The following CAPRIN1 variants were observed in gnomAD, a reference collection of about 807,000 sequenced individuals.
CAPRIN1 encodes the protein caprin-1.
CAPRIN1 carries 29 observed loss-of-function variants against 100.9 expected under a neutral mutation model. That is an observed-to-expected ratio of 0.29 (90% CI 0.21 to 0.39). The LOEUF is 0.39. CAPRIN1 is among the 10% of genes least tolerant of loss of function. The probability of loss-of-function intolerance (pLI) is 1.00; values close to 1 mark genes in which losing one functional copy is unlikely to be tolerated. For synonymous variants in CAPRIN1, 338 were observed against 307.5 expected (o/e 1.10, Z -1.04); for missense variants, 795 against 876.7 (o/e 0.91, Z 1.18).
chr11:34,090,656 C>T lies in CAPRIN1; in HGVS notation c.1532C>T (p.Ala511Val). Residue 511 changes from alanine (A) to valine (V), a missense_variant, in exon 14 of 19, where the codon GCT (alanine) becomes GTT (valine). By Grantham distance (64) the Ala-to-Val change is moderately conservative. Transcript: ENST00000341394. The stretch of plus-strand genomic sequence containing the variant: ...AGCAGTGGAATCAATGTAAATGCAG[C>T]TCCATTCCAATCCATGCAAACGGTA... ...LHSSGINVNAAPFQSMQTVFN... is the reference protein window; with the variant it reads ...LHSSGINVNAVPFQSMQTVFN... 1 of 1,613,978 alleles carries T rather than the reference C, an allele frequency of 6.2e-7. No individual in the cohort carries two copies. Among genetic ancestry groups the T allele is most frequent in the Non-Finnish European group, 8.5e-7 (1 of 1,179,850 alleles).
chr11:34,057,690 T>A (rs1850480844), intron 2 of CAPRIN1, among the ~76,000 whole-genome samples: 1 of 152,194 alleles, frequency 6.6e-6, no homozygotes, highest in African/African-American at 2.4e-5. Context: ...AATCTTACAC[T>A]GTTATAAAAT....
chr11:34,057,120 A>C (rs919546408), intron 2 of CAPRIN1, among the ~76,000 whole-genome samples: 4 of 152,252 alleles, frequency 2.6e-5, no homozygotes, highest in African/African-American at 9.6e-5. Context: ...TTTATAAGTA[A>C]AATCTTTCCT....
intron 2 of CAPRIN1, among the ~76,000 whole-genome samples, chr11:34,067,906 GC>G (rs1565086383): frequency 1.3e-5 from 2 of 152,086 alleles, no homozygotes; most frequent in Non-Finnish European, 2.9e-5. Context: ...TCACATACTG[GC>G]TGTTTCCCTT....
chr11:34,071,636 C>A, intron 2 of CAPRIN1, 90 bp from the exon 3 acceptor site: 1 of 874,478 alleles, frequency 1.1e-6, no homozygotes, highest in Non-Finnish European at 1.8e-6. Context: ...TTGAGACAAA[C>A]TTAGAGGATT....
intron 15 of CAPRIN1, among the ~76,000 whole-genome samples, chr11:34,093,966 T>C (rs536683861): frequency 2.8e-4 from 1 of 3,600 alleles, no homozygotes; most frequent in Non-Finnish European, 1.6e-3. Context: ...CTTTTTCTAT[T>C]TTTTTAAAAA....
At chr11:34,094,951 C>T (rs984208440) in intron 15 of CAPRIN1, among the ~76,000 whole-genome samples, 5 of 152,008 alleles carry the variant, frequency 3.3e-5, no homozygotes, top group Non-Finnish European at 2.9e-5. Flanking sequence ...GGTACGATCT[C>T]GGCTCACTAC....
intron 7 of CAPRIN1, among the ~76,000 whole-genome samples, chr11:34,081,440 C>T (rs973522405): frequency 2.0e-5 from 3 of 151,974 alleles, no homozygotes; most frequent in Non-Finnish European, 4.4e-5. Context: ...CTCAGGTTAT[C>T]CACCCGCCTT....
rs1482003919 is a variant in CAPRIN1 at position 34,099,472 on chromosome 11, T to C, written c.*105T>C. On this transcript the variant is annotated 3_prime_UTR_variant, in exon 19 of 19. Coordinates refer to ENST00000341394, the MANE Select transcript of CAPRIN1 (RefSeq NM_005898.5). The stretch of plus-strand genomic sequence containing the variant: ...CTATTTGTTCTCCCTTTCAGGAAAC[T>C]TATTGTAAAGGGACTGTTTTCATCC... 3.1e-6 allele frequency: 3 copies of C among 976,362 alleles called. No individual in the cohort carries two copies. The highest frequency in any genetic ancestry group is 4.8e-6 in the Non-Finnish European group (3 of 621,490). 60.5% of individuals were successfully genotyped at this position (976,362 alleles called of 1,614,324 possible). A position where few individuals can be genotyped will look rare whatever the true frequency, so the allele number is the denominator to read the frequency against.
At position 34,099,166 on chromosome 11, in the gene CAPRIN1, A is replaced by G. The variant is rs1362834932; in HGVS notation, c.2066-137A>G. The G allele has an allele frequency of 3.4e-6, 5 of 1,475,812 alleles. No individual in the cohort carries two copies. The Admixed American group carries it at 1.2e-4, about 36-fold the overall frequency. 91.4% of individuals were successfully genotyped at this position (1,475,812 alleles called of 1,614,324 possible). ...CTTCCAGGACAGGGGAAACTTGAAC[A>G]CTGAAGAATTGACCTCTTAAGCCTA... On this transcript the variant is annotated intron_variant, in intron 18 of 18. Transcript: ENST00000341394.
At chr11:34,066,012 T>G (rs115894947) in intron 2 of CAPRIN1, among the ~76,000 whole-genome samples, 2,596 of 152,320 alleles carry the variant, frequency 0.017, 52 homozygotes, top group African/African-American at 0.059. Context: ...ATCTCACTCT[T>G]GGTCAGGCTG....
chr11:34,052,934 G>A (rs1850359410), intron 2 of CAPRIN1: 2 of 1,245,442 alleles, frequency 1.6e-6, no homozygotes, highest in Non-Finnish European at 2.0e-6. Context: ...GACATGTGAG[G>A]GTGGGGGCCT....
chr11:34,069,604 A>G (rs1850770438), intron 2 of CAPRIN1, among the ~76,000 whole-genome samples: 1 of 152,094 alleles, frequency 6.6e-6, no homozygotes. Context: ...TTGTGAGGTA[A>G]TTGGACACAT....
chr11:34,076,555 A>C lies in CAPRIN1; in HGVS notation c.606-5A>C. 1 of 1,612,966 alleles carries C rather than the reference A, an allele frequency of 6.2e-7. No individual in the cohort carries two copies. Among genetic ancestry groups the C allele is most frequent in the Non-Finnish European group, 8.5e-7 (1 of 1,179,000 alleles). On this transcript the variant is annotated splice_polypyrimidine_tract_variant and splice_region_variant and intron_variant, in intron 5 of 18. Coordinates refer to ENST00000341394, the MANE Select transcript of CAPRIN1 (RefSeq NM_005898.5). ...GGTTATTAATTAGCTATTTACTATT[A>C]AAAGGTTGAATGAACAGTATGAACA...
chr11:34,079,765 G>A lies in CAPRIN1; in HGVS notation c.826G>A (p.Glu276Lys). 6.2e-7 allele frequency: 1 copy of A among 1,613,748 alleles called. No homozygotes were observed. Among genetic ancestry groups the A allele is most frequent in the Non-Finnish European group, 8.5e-7 (1 of 1,179,878 alleles). Residue 276 changes from glutamate (E) to lysine (K), a missense_variant and splice_region_variant, in exon 7 of 19, where the codon GAA becomes AAA. By Grantham distance (56) the Glu-to-Lys change is moderately conservative. Coordinates refer to ENST00000341394, the MANE Select transcript of CAPRIN1 (RefSeq NM_005898.5). ...PAVEDQVPEAEPEPAEEYTEQ... is the reference protein window; with the variant it reads ...PAVEDQVPEAKPEPAEEYTEQ... ...AGTTGAAGACCAGGTACCTGAAGCT[G>A]GTGAGTATTAGGTGGATATCAACTT...
Position 34,052,429 on chromosome 11 carries a change from G to A in CAPRIN1, c.9G>A (p.Ser3=), listed in dbSNP as rs777143535. 1 of 1,607,096 alleles carries A rather than the reference G, an allele frequency of 6.2e-7. No individual in the cohort carries two copies. Among genetic ancestry groups the A allele is most frequent in the Non-Finnish European group, 8.5e-7 (1 of 1,178,714 alleles). Residue 3 remains serine (S), a synonymous_variant, in exon 2 of 19, where the codon TCG becomes TCA. Transcript: ENST00000341394. The stretch of plus-strand genomic sequence containing the variant: ...CTCCTTGCGGTCTGAAGATGCCCTC[G>A]GCCACCAGCCACAGCGGGAGCGGCA... MP[S]ATSHSGSGSK...
intron 4 of CAPRIN1, among the ~76,000 whole-genome samples, chr11:34,073,512 G>A (rs1459829686): frequency 6.6e-6 from 1 of 152,126 alleles, no homozygotes; most frequent in African/African-American, 2.4e-5. Flanking sequence ...CTGGAGTGCA[G>A]TGCCGCTGTC....
intron 2 of CAPRIN1, chr11:34,055,776 G>A (rs1850436897): frequency 1.3e-5 from 2 of 152,134 alleles, no homozygotes; most frequent in African/African-American, 4.8e-5. Flanking sequence ...TGTTTTAAGT[G>A]GTAGATAGCA....
rs370097475 is a variant in CAPRIN1 at position 34,090,190 on chromosome 11, A to G, written c.1305A>G (p.Val435=). 63 of 1,608,798 alleles carry G rather than the reference A, an allele frequency of 3.9e-5. No homozygotes were observed. In the South Asian group the frequency reaches 6.2e-4, roughly 16 times the overall value. ...VQPEATQVPL[V]SSTSEGYTAS... ...TTACTTATGTCTAGGTTCCTTTGGT[A>G]TCATCCACAAGTGAGGGGTACACAG... Residue 435 remains valine (V), a synonymous_variant, in exon 13 of 19, where the codon GTA becomes GTG. Coordinates refer to ENST00000341394, the MANE Select transcript of CAPRIN1 (RefSeq NM_005898.5).
chr11:34,052,580 A>G lies in CAPRIN1; in HGVS notation c.160A>G (p.Met54Val), dbSNP rs535648561. Residue 54 changes from methionine to valine, a missense_variant, in exon 2 of 19, where the codon ATG (methionine) becomes GTG (valine). Physicochemically the swap from Met to Val is conservative, Grantham distance 21. This residue lies in a region of CAPRIN1 where 109 missense variants were observed against 86.6 expected (regional missense o/e 1.26). Transcript: ENST00000341394. ...CACCGGCGCTGTCCAGACCGAGGCC[A>G]TGAAGCAGATTCTCGGGGTGATCGA... is the stretch of plus-strand genomic sequence containing the variant. ...TGTGAVQTEAMKQILGVIDKK... is the reference protein window; with the variant it reads ...TGTGAVQTEAVKQILGVIDKK... 5.0e-5 allele frequency: 80 copies of G among 1,611,172 alleles called. No individual in the cohort carries two copies. The highest frequency in any genetic ancestry group is 6.0e-5 in the Non-Finnish European group (71 of 1,179,198).
Sources: gnomAD v4.1 joint callset for allele counts (sites outside exome capture counted in the v4.1 genomes callset) on GRCh38, gnomAD v4.1.1 for gene constraint, gnomAD v4.1.1 regional missense constraint, MANE v1.5 for transcripts, NCBI Gene and HGNC (gene_info 2026-07-23, HGNC 2026-07-21) for gene names.